Variants in OCA2 observed in about 807,000 individuals in gnomAD.
OCA2 encodes the protein P protein.
Under a neutral mutation model 100.2 loss-of-function variants are expected in OCA2, and 77 were observed. That is an observed-to-expected ratio of 0.77 (90% CI 0.64 to 0.93). The LOEUF (loss-of-function observed/expected upper bound fraction) is 0.93. OCA2 is among the 40% of genes least tolerant of loss of function. OCA2 has a pLI of 0.00. For missense variants in OCA2, 1,062 were observed against 1,089.1 expected (o/e 0.98, Z 0.35); for synonymous variants, 432 against 439.2 (o/e 0.98, Z 0.21).
intron 19 of OCA2, chr15:27,896,430 A>G (rs1210505626): frequency 2.9e-6 from 2 of 694,616 alleles, no homozygotes; most frequent in African/African-American, 3.5e-5. Context: ...TCATGCTGCT[A>G]TATGAGAGAA....
At chr15:27,804,461 C>G (rs529968849) in intron 23 of OCA2, among the ~76,000 whole-genome samples, 1 of 152,296 alleles carries the variant, frequency 6.6e-6, no homozygotes, top group East Asian at 1.9e-4. Flanking sequence ...AGTAGAAAGA[C>G]AGAATGGCCC....
intron 2 of OCA2, among the ~76,000 whole-genome samples, chr15:28,067,674 T>TA (rs2044067101): frequency 6.6e-6 from 1 of 152,250 alleles, no homozygotes; most frequent in East Asian, 1.9e-4. Context: ...TTATTTCTAT[T>TA]TTCATTGCAC....
the OCA2 span, among the ~76,000 whole-genome samples, chr15:27,736,853 A>G: frequency 1.3e-5 from 2 of 152,226 alleles, no homozygotes; most frequent in African/African-American, 2.4e-5. Flanking sequence ...GACCAGTGCA[A>G]TAATTTGAGA....
intron 20 of OCA2, among the ~76,000 whole-genome samples, chr15:27,871,585 T>G (rs1385441743): frequency 2.6e-5 from 4 of 152,218 alleles, no homozygotes; most frequent in African/African-American, 9.6e-5. Context: ...CTGGGGCGCC[T>G]GCAGCACTCA....
At chr15:28,027,196 CCACGCATGCGCGCCCTAGGCCTACA>C (rs1368932963) in intron 4 of OCA2, among the ~76,000 whole-genome samples, 1 of 152,224 alleles carries the variant, frequency 6.6e-6, no homozygotes, top group Admixed American at 6.5e-5. Context: ...GCTCGGCCTC[CCACGCATGCGCGCCCTAGGCCTACA>C]CACGCATGCG....
rs4778193 is a variant in OCA2, at chr15:27,835,020, T to G, written c.2432+9939A>C. On this transcript the variant is annotated intron_variant, in intron 23 of 23. Transcript: ENST00000354638. ...AGGAACTTGGGCCTTCCGGACGTAA[T>G]GGGATGCAGAAAGCAAAGATCAGTC... 4.2e-3 allele frequency among the ~76,000 whole-genome samples: 632 copies of G among 152,134 alleles called. 7 individuals carry two copies. Among genetic ancestry groups the G allele is most frequent in the African/African-American group, 0.015 (606 of 41,554 alleles).
rs781118824 is a variant in OCA2 at position 27,983,430 on chromosome 15, A to T, written c.1418T>A (p.Ile473Asn). 3.1e-6 allele frequency: 5 copies of T among 1,614,166 alleles called. No homozygotes were observed. The highest frequency in any genetic ancestry group is 4.2e-6 in the Non-Finnish European group (5 of 1,180,040). Residue 473 changes from isoleucine (I) to asparagine (N), a missense_variant, in exon 14 of 24, where the codon ATC becomes AAC. Ile to Asn is a moderately radical substitution (Grantham distance 149). Transcript: ENST00000354638. ...GGCAGCTCCTCCAATGTTTGTGAAG[A>T]TCACTTCTGCAATCAGGACTTGTCT... Reference protein sequence around the residue: ...DPRQVLIAEVIFTNIGGAATA... With the variant: ...DPRQVLIAEVNFTNIGGAATA...
At chr15:27,843,234 T>C (rs553143465) in intron 23 of OCA2, among the ~76,000 whole-genome samples, 4 of 152,204 alleles carry the variant, frequency 2.6e-5, no homozygotes, top group South Asian at 4.2e-4. Context: ...ACGACGGCCT[T>C]CCAGGGCTGC....
At chr15:27,836,013 A>G (rs568038894) in intron 23 of OCA2, among the ~76,000 whole-genome samples, 2 of 152,222 alleles carry the variant, frequency 1.3e-5, no homozygotes, top group African/African-American at 4.8e-5. Flanking sequence ...CCTGACAAGT[A>G]TTTACGGCTC....
intron 23 of OCA2, among the ~76,000 whole-genome samples, chr15:27,824,609 T>TATATATGTA (rs2034641257): frequency 8.1e-6 from 1 of 122,852 alleles, no homozygotes; most frequent in South Asian, 2.7e-4. Context: ...TCTCTATATA[T>TATATATGTA]ATATATATAT....
intron 18 of OCA2, among the ~76,000 whole-genome samples, chr15:27,932,951 C>G (rs2039308439): frequency 6.7e-6 from 1 of 148,560 alleles, no homozygotes; most frequent in Admixed American, 6.7e-5. Flanking sequence ...GTTCAGTGTT[C>G]AACCAAAAAT....
intron 23 of OCA2, among the ~76,000 whole-genome samples, chr15:27,761,847 T>C (rs761157557): frequency 4.6e-5 from 7 of 152,020 alleles, no homozygotes; most frequent in Non-Finnish European, 7.4e-5. Context: ...TTTTAAGATA[T>C]GGGGTCTCAT....
chr15:27,841,518 GAA>G (rs2035341615), intron 23 of OCA2, among the ~76,000 whole-genome samples: 1 of 152,110 alleles, frequency 6.6e-6, no homozygotes, highest in African/African-American at 2.4e-5. Flanking sequence ...TATCTTGAAA[GAA>G]AAAGTTTTAA....
At chr15:27,992,839 C>T (rs1444197560) in intron 9 of OCA2, among the ~76,000 whole-genome samples, 1 of 152,164 alleles carries the variant, frequency 6.6e-6, no homozygotes, top group Non-Finnish European at 1.5e-5. Flanking sequence ...GAGCAAAGAG[C>T]CGGCCTGGCA....
chr15:28,036,858 G>T (rs1194899678), intron 2 of OCA2, among the ~76,000 whole-genome samples: 1 of 152,138 alleles, frequency 6.6e-6, no homozygotes, highest in African/African-American at 2.4e-5. Flanking sequence ...GAAGAGGTTT[G>T]CCCTCAGTCT....
chr15:27,863,223 G>C (rs1357260926), intron 21 of OCA2, among the ~76,000 whole-genome samples: 1 of 152,202 alleles, frequency 6.6e-6, no homozygotes, highest in African/African-American at 2.4e-5. Context: ...GAGGGATGCT[G>C]CAGTCGGCTC....
At position 27,966,914 on chromosome 15, in the gene OCA2, G is replaced by A. The variant is rs1257424668; in HGVS notation, c.1504-92C>T. ...ACTTTCCGAGGTGGGTGGATCACGA[G>A]GTCCGGAGATGGAGACCATCCTGGC... is the stretch of plus-strand genomic sequence containing the variant. On this transcript the variant is annotated intron_variant, in intron 14 of 23. Transcript: ENST00000354638. The A allele has an allele frequency of 3.6e-6, 5 of 1,402,000 alleles. No homozygotes were observed. In the Admixed American group the frequency reaches 5.9e-5, roughly 17 times the overall value. The allele number at this position is 1,402,000 out of a possible 1,614,324, so 86.8% of individuals were successfully genotyped here. A position where few individuals can be genotyped will look rare whatever the true frequency, so the allele number is the denominator to read the frequency against.
intron 18 of OCA2, among the ~76,000 whole-genome samples, chr15:27,951,303 C>A (rs554682484): frequency 1.3e-5 from 2 of 152,142 alleles, no homozygotes; most frequent in East Asian, 1.9e-4. Context: ...CAGTTTCATG[C>A]GCCAGATGCA....
chr15:28,000,156 C>T (rs1199341440), intron 9 of OCA2, among the ~76,000 whole-genome samples: 1 of 152,090 alleles, frequency 6.6e-6, no homozygotes, highest in Non-Finnish European at 1.5e-5. Context: ...ATAGCCAAGT[C>T]AACATTGAGT....
Sources: gnomAD v4.1 joint callset for allele counts (sites outside exome capture counted in the v4.1 genomes callset) on GRCh38, gnomAD v4.1.1 for gene constraint, MANE v1.5 for transcripts, NCBI Gene and HGNC (gene_info 2026-07-23, HGNC 2026-07-21) for gene names.